The following ASH1L variants were observed in gnomAD, a reference collection of about 807,000 sequenced individuals.
ASH1L encodes ASH1 like histone lysine methyltransferase.
Under a neutral mutation model 269.0 loss-of-function variants are expected in ASH1L, and 23 were observed. The ratio of observed to expected loss-of-function variants is 0.09; its 90% CI spans 0.06 to 0.12. ASH1L has a LOEUF of 0.12. Ranked by LOEUF, ASH1L falls within the 10% of genes least tolerant of loss-of-function variation. The pLI is 1.00. For missense variants in ASH1L, 2,912 were observed against 3,567.8 expected (o/e 0.82, Z 4.68); for synonymous variants, 1,187 against 1,253.5 (o/e 0.95, Z 1.12).
At chr1:155,375,852 G>A (rs548431808) in intron 10 of ASH1L, among the ~76,000 whole-genome samples, 2 of 150,732 alleles carry the variant, frequency 1.3e-5, no homozygotes, top group Non-Finnish European at 2.9e-5. Flanking sequence ...ACTAAACGTA[G>A]ATCTAGGTTG....
chr1:155,465,823 A>G (rs1420207861), intron 3 of ASH1L, among the ~76,000 whole-genome samples: 1 of 152,198 alleles, frequency 6.6e-6, no homozygotes, highest in African/African-American at 2.4e-5. Flanking sequence ...CTTCTGGTCA[A>G]GATTTTTTTT....
At chr1:155,528,435 CTTT>C (rs55750350) in intron 1 of ASH1L, among the ~76,000 whole-genome samples, 2 of 144,396 alleles carry the variant, frequency 1.4e-5, no homozygotes, top group Non-Finnish European at 1.5e-5. Context: ...ATTGCAATAG[CTTT>C]TTTTTTTTTT....
chr1:155,372,341 C>T (rs2148420451), intron 10 of ASH1L, among the ~76,000 whole-genome samples: 1 of 150,978 alleles, frequency 6.6e-6, no homozygotes, highest in Non-Finnish European at 1.5e-5. Context: ...CAAAGTCTCG[C>T]TCTGTCACCC....
chr1:155,450,968 C>T (rs1020749952), intron 4 of ASH1L, among the ~76,000 whole-genome samples: 4 of 152,010 alleles, frequency 2.6e-5, no homozygotes, highest in Non-Finnish European at 4.4e-5. Context: ...GAGGCTAAGG[C>T]GGTCGAATCA....
chr1:155,420,000 C>A (rs1660534608), intron 5 of ASH1L, among the ~76,000 whole-genome samples: 1 of 152,022 alleles, frequency 6.6e-6, no homozygotes, highest in Non-Finnish European at 1.5e-5. Context: ...AAACTGAAAT[C>A]AAAATTAAAC....
chr1:155,540,630 A>G (rs546493028), intron 1 of ASH1L, among the ~76,000 whole-genome samples: 99 of 152,198 alleles, frequency 6.5e-4, no homozygotes, highest in Middle Eastern at 3.4e-3. Context: ...TTAGCTGGAT[A>G]TGGTGGCTCA....
chr1:155,527,408 C>T (rs185344474), intron 1 of ASH1L, among the ~76,000 whole-genome samples: 1 of 152,192 alleles, frequency 6.6e-6, no homozygotes, highest in Admixed American at 6.5e-5. Flanking sequence ...TCAAGGTCAC[C>T]AACAACCTCC....
chr1:155,407,653 GAAACAACCCAA>G (rs1659408189), intron 6 of ASH1L, among the ~76,000 whole-genome samples: 1 of 152,040 alleles, frequency 6.6e-6, no homozygotes, highest in Non-Finnish European at 1.5e-5. Context: ...GCCAAAAGCA[GAAACAACCCAA>G]ATGTTCATTA....
At chr1:155,360,446 A>ATT (rs745726347) in intron 12 of ASH1L, 37 bp from the exon 13 acceptor site, 2,434 of 1,113,944 alleles carry the variant, frequency 2.2e-3, no homozygotes, top group South Asian at 2.7e-3. Flanking sequence ...AAGGCTGGAA[A>ATT]TTTTTTTTTT....
chr1:155,389,877 CTTTTTTT>C (rs1018913896), intron 7 of ASH1L, among the ~76,000 whole-genome samples: 6 of 118,456 alleles, frequency 5.1e-5, no homozygotes, highest in African/African-American at 1.9e-4. Context: ...CTACCAGTAG[CTTTTTTT>C]TTTTTTTTTT....
chr1:155,542,117 A>C (rs897086379), intron 1 of ASH1L, among the ~76,000 whole-genome samples: 6 of 152,140 alleles, frequency 3.9e-5, no homozygotes, highest in Non-Finnish European at 7.4e-5. Context: ...TTGTTAAAAA[A>C]GAGGGGGAGG....
At chr1:155,440,620 C>T (rs948491208) in intron 4 of ASH1L, 3 of 599,492 alleles carry the variant, frequency 5.0e-6, no homozygotes, top group Non-Finnish European at 6.3e-6. Context: ...CGAAAAATGA[C>T]CCCTTCCTTT....
At chr1:155,427,750 T>C (rs969028107) in intron 5 of ASH1L, among the ~76,000 whole-genome samples, 1 of 152,128 alleles carries the variant, frequency 6.6e-6, no homozygotes. Context: ...CTGATACAGT[T>C]TGGATGTGCG....
intron 4 of ASH1L, among the ~76,000 whole-genome samples, chr1:155,455,384 C>T (rs1051392023): frequency 4.6e-5 from 7 of 152,124 alleles, no homozygotes; most frequent in South Asian, 2.1e-4. Flanking sequence ...AAATCATATA[C>T]TGTTAGTATA....
chr1:155,543,599 C>A (rs1290029902), intron 1 of ASH1L, among the ~76,000 whole-genome samples: 4 of 151,226 alleles, frequency 2.6e-5, no homozygotes, highest in South Asian at 4.2e-4. Flanking sequence ...ACTGGATATC[C>A]GTTGGCAGAA....
At chr1:155,446,622 T>C (rs1266172615) in intron 4 of ASH1L, among the ~76,000 whole-genome samples, 4 of 150,366 alleles carry the variant, frequency 2.7e-5, no homozygotes, top group Admixed American at 6.6e-5. Flanking sequence ...TTTTTTTTTT[T>C]TTTCTTTTTT....
Position 155,478,840 on chromosome 1 carries a change from G to A in ASH1L, c.4030C>T (p.Pro1344Ser). The A allele has an allele frequency of 1.2e-6, 2 of 1,613,922 alleles. No homozygotes were observed. The highest frequency in any genetic ancestry group is 1.7e-6 in the Non-Finnish European group (2 of 1,179,978). ...CTCCCTCTTTTCTTTTTTAAGTCAG[G>A]TTTTCGAATGTAGTGCAAAGGGTCT... is the stretch of plus-strand genomic sequence containing the variant. ...PLDPLHYIRK[P>S]DLKKKRGRPP... is the part of the protein sequence containing the mutation. Residue 1344 changes from proline to serine, a missense_variant, in exon 3 of 28, where the codon CCT becomes TCT. Coordinates refer to ENST00000392403, the MANE Select transcript of ASH1L (RefSeq NM_018489.3). The surrounding 1 kb of genome is among the most constrained non-coding windows in gnomAD (Gnocchi z 4.6).
At chr1:155,437,682 A>C (rs977735150) in intron 5 of ASH1L, among the ~76,000 whole-genome samples, 1 of 152,168 alleles carries the variant, frequency 6.6e-6, no homozygotes, top group African/African-American at 2.4e-5. Context: ...GCATGGAAAC[A>C]CCCCAGGTAT....
At chr1:155,361,241 G>A (rs905256876) in intron 12 of ASH1L, among the ~76,000 whole-genome samples, 2 of 151,506 alleles carry the variant, frequency 1.3e-5, no homozygotes, top group Non-Finnish European at 2.9e-5. Flanking sequence ...AATTAAGGCC[G>A]GGTATGGTGG....
Sources: allele counts gnomAD v4.1 joint callset (sites outside exome capture counted in the v4.1 genomes callset), GRCh38; gene constraint gnomAD v4.1.1; non-coding constraint Gnocchi (gnomAD v3.1); transcripts MANE v1.5; gene names NCBI Gene and HGNC (gene_info 2026-07-23, HGNC 2026-07-21).